The following INSYN2B variants were observed in gnomAD, a reference collection of about 807,000 sequenced individuals.
The protein encoded by INSYN2B is inhibitory synaptic factor family member 2B.
In INSYN2B, 16 loss-of-function variants were observed where a neutral mutation model predicts 41.2. The ratio of observed to expected loss-of-function variants is 0.39; its 90% confidence interval spans 0.26 to 0.59. The LOEUF (loss-of-function observed/expected upper bound fraction) is 0.59, where lower values mean the gene tolerates loss of function less well. Ranked by LOEUF, INSYN2B falls within the 20% of genes least tolerant of loss-of-function variation. INSYN2B has a pLI of 0.57. For synonymous variants in INSYN2B, 245 were observed against 244.4 expected, an observed-to-expected ratio of 1.00 and a Z score of -0.02; for missense variants, 608 against 646.4, an observed-to-expected ratio of 0.94 and a Z score of 0.64.
At chr5:169,949,903 G>A (rs1346171162) in intron 1 of INSYN2B, among the ~76,000 whole-genome samples, 1 of 152,044 alleles carries the variant, frequency 6.6e-6, no homozygotes, top group African/African-American at 2.4e-5. Flanking sequence ...ATATCAGTTA[G>A]TAACTCTTCT....
At chr5:169,888,592 TC>T (rs1313517160) in intron 1 of INSYN2B, among the ~76,000 whole-genome samples, 2 of 152,206 alleles carry the variant, frequency 1.3e-5, no homozygotes, top group African/African-American at 4.8e-5. Flanking sequence ...TCCTGCCCAG[TC>T]CTCTTTTCTC....
intron 1 of INSYN2B, among the ~76,000 whole-genome samples, chr5:169,962,500 A>G (rs1363102999): frequency 6.6e-6 from 1 of 152,154 alleles, no homozygotes; most frequent in Non-Finnish European, 1.5e-5. Flanking sequence ...GAGCATCTTG[A>G]GTTTGAGATG....
chr5:169,933,031 G>A (rs1775828541), intron 1 of INSYN2B, among the ~76,000 whole-genome samples: 1 of 152,186 alleles, frequency 6.6e-6, no homozygotes, highest in Admixed American at 6.5e-5. Flanking sequence ...TTCTCCGGCA[G>A]GTATTGGCAG....
At chr5:169,924,165 AAAGTCCCAG>A (rs1483690348) in intron 1 of INSYN2B, among the ~76,000 whole-genome samples, 1 of 152,200 alleles carries the variant, frequency 6.6e-6, no homozygotes, top group African/African-American at 2.4e-5. Flanking sequence ...CAGTGCCTGG[AAAGTCCCAG>A]GGGACCACAG....
chr5:169,881,322 T>C (rs1452845015), intron 3 of INSYN2B, 46 bp downstream of exon 3: 2 of 1,490,564 alleles, frequency 1.3e-6, no homozygotes, highest in South Asian at 2.4e-5. Context: ...CAGCGGACCC[T>C]ATGGCTTTAT....
At chr5:169,935,070 C>T (rs1197804570) in intron 1 of INSYN2B, among the ~76,000 whole-genome samples, 4 of 152,222 alleles carry the variant, frequency 2.6e-5, no homozygotes, top group African/African-American at 4.8e-5. Flanking sequence ...AGGGAGTCCA[C>T]GTGGGCAGGA....
At chr5:169,935,718 C>T (rs1400063408) in intron 1 of INSYN2B, among the ~76,000 whole-genome samples, 1 of 152,178 alleles carries the variant, frequency 6.6e-6, no homozygotes, top group Non-Finnish European at 1.5e-5. Flanking sequence ...TCAACTGCTA[C>T]ATTATGTCTT....
At chr5:169,906,114 G>A (rs965873857) in intron 1 of INSYN2B, among the ~76,000 whole-genome samples, 1 of 152,150 alleles carries the variant, frequency 6.6e-6, no homozygotes, top group Non-Finnish European at 1.5e-5. Flanking sequence ...ACGGTCCTGA[G>A]TTCGACCTTC....
chr5:169,903,449 A>C (rs1248353414), intron 1 of INSYN2B, among the ~76,000 whole-genome samples: 3 of 150,350 alleles, frequency 2.0e-5, no homozygotes, highest in African/African-American at 7.3e-5. Flanking sequence ...TGTGAGTGTG[A>C]AGGCTGGTGG....
intron 1 of INSYN2B, among the ~76,000 whole-genome samples, chr5:169,964,286 G>A (rs1470838685): frequency 6.6e-6 from 1 of 152,096 alleles, no homozygotes; most frequent in African/African-American, 2.4e-5. Context: ...CCGGACTCTG[G>A]CCCCCATCAG....
At chr5:169,969,967 A>G (rs886595011) in intron 1 of INSYN2B, among the ~76,000 whole-genome samples, 10 of 152,236 alleles carry the variant, frequency 6.6e-5, no homozygotes, top group Admixed American at 5.2e-4. Context: ...AATGTTTTAA[A>G]AACATGATGC....
intron 1 of INSYN2B, among the ~76,000 whole-genome samples, chr5:169,910,112 T>C (rs1350462222): frequency 5.3e-5 from 8 of 152,084 alleles, no homozygotes; most frequent in African/African-American, 1.9e-4. Context: ...TGTGGCCTGG[T>C]GTTAGCTGAG....
chr5:169,923,599 G>A (rs929608042), intron 1 of INSYN2B, among the ~76,000 whole-genome samples: 20 of 152,114 alleles, frequency 1.3e-4, no homozygotes, highest in East Asian at 3.9e-4. Context: ...CCTTGGGCAC[G>A]TCTCTATCCC....
At chr5:169,971,137 T>C (rs1035433404) in intron 1 of INSYN2B, among the ~76,000 whole-genome samples, 4 of 146,850 alleles carry the variant, frequency 2.7e-5, no homozygotes, top group African/African-American at 1.0e-4. Flanking sequence ...GACAGGGAAG[T>C]GGGACAAATG....
At chr5:169,886,126 C>T (rs1036092118) in intron 1 of INSYN2B, among the ~76,000 whole-genome samples, 4 of 151,984 alleles carry the variant, frequency 2.6e-5, no homozygotes, top group Non-Finnish European at 4.4e-5. Context: ...AGAAAAAAAC[C>T]CCTCTTTTTC....
chr5:169,906,280 T>A (rs1774272807), intron 1 of INSYN2B, among the ~76,000 whole-genome samples: 1 of 151,960 alleles, frequency 6.6e-6, no homozygotes, highest in African/African-American at 2.4e-5. Flanking sequence ...GTAAAATGAG[T>A]ATGATCATAG....
At chr5:169,903,943 T>C (rs1774116374) in intron 1 of INSYN2B, among the ~76,000 whole-genome samples, 1 of 151,640 alleles carries the variant, frequency 6.6e-6, no homozygotes, top group Admixed American at 6.6e-5. Flanking sequence ...CTACAAAAAA[T>C]ACAAAAATTA....
At chr5:169,939,146 C>T (rs539685211) in intron 1 of INSYN2B, among the ~76,000 whole-genome samples, 19 of 151,670 alleles carry the variant, frequency 1.3e-4, no homozygotes, top group Non-Finnish European at 2.5e-4. Context: ...CCTCGTGATC[C>T]GCCCACCTCA....
chr5:169,882,500 T>A, intron 2 of INSYN2B, 53 bp downstream of exon 2: 1 of 1,438,464 alleles, frequency 7.0e-7, no homozygotes, highest in Non-Finnish European at 9.3e-7. Flanking sequence ...TGCCCCTGTG[T>A]TGGCAAATGA....
Sources: gnomAD v4.1 joint callset for allele counts (sites outside exome capture counted in the v4.1 genomes callset) on GRCh38, gnomAD v4.1.1 for gene constraint, MANE v1.5 for transcripts, NCBI Gene and HGNC (gene_info 2026-07-23, HGNC 2026-07-21) for gene names.